The following CAMK2D variants were observed in gnomAD, a reference collection of about 807,000 sequenced individuals.
The protein encoded by CAMK2D is calcium/calmodulin dependent protein kinase II delta, also known as calcium/calmodulin-dependent protein kinase type II subunit delta.
In CAMK2D, 37 loss-of-function variants were observed where a neutral mutation model predicts 84.0. The ratio of observed to expected loss-of-function variants is 0.44; its 90% CI spans 0.34 to 0.58. CAMK2D has a LOEUF of 0.58. Among genes scored for constraint, CAMK2D ranks in the 20% least tolerant of loss-of-function variants. The pLI, the probability that CAMK2D is intolerant of heterozygous loss-of-function variation, is 0.02. For missense variants in CAMK2D, 448 were observed against 652.5 expected (o/e 0.69, Z 3.41); for synonymous variants, 202 against 212.5 (o/e 0.95, Z 0.43).
intron 2 of CAMK2D, among the ~76,000 whole-genome samples, chr4:113,713,517 A>AT (rs1384627918): frequency 1.3e-3 from 198 of 148,294 alleles, no homozygotes; most frequent in African/African-American, 4.7e-3. Flanking sequence ...TATATATAGT[A>AT]TAACAATATT....
chr4:113,506,665 A>G (rs2098131367), intron 13 of CAMK2D, among the ~76,000 whole-genome samples: 2 of 152,194 alleles, frequency 1.3e-5, no homozygotes, highest in South Asian at 4.1e-4. Flanking sequence ...CTGTCAAATG[A>G]ACAGGGGCAC....
chr4:113,643,316 TAG>T (rs1259325680), intron 3 of CAMK2D, among the ~76,000 whole-genome samples: 1 of 152,156 alleles, frequency 6.6e-6, no homozygotes, highest in Non-Finnish European at 1.5e-5. Flanking sequence ...AGCACTAGTG[TAG>T]AGAGTTGGGA....
chr4:113,755,019 T>C (rs2099625252), intron 2 of CAMK2D: 9 of 983,744 alleles, frequency 9.1e-6, no homozygotes, highest in Non-Finnish European at 9.7e-6. Flanking sequence ...TCCATCTACA[T>C]AGTCTCAGTT....
chr4:113,566,197 G>C (rs564432350), intron 4 of CAMK2D, among the ~76,000 whole-genome samples: 1 of 152,284 alleles, frequency 6.6e-6, no homozygotes, highest in Admixed American at 6.5e-5. Flanking sequence ...AGTAATACTG[G>C]TCCAGTTCAA....
At chr4:113,687,699 C>A (rs1561839001) in intron 2 of CAMK2D, among the ~76,000 whole-genome samples, 1 of 152,198 alleles carries the variant, frequency 6.6e-6, no homozygotes, top group Non-Finnish European at 1.5e-5. Context: ...CTTGGACACC[C>A]AACCACCAGT....
At chr4:113,595,429 A>G (rs1000137753) in intron 4 of CAMK2D, among the ~76,000 whole-genome samples, 1 of 139,510 alleles carries the variant, frequency 7.2e-6, no homozygotes, top group Non-Finnish European at 1.6e-5. Context: ...AATTTATTCA[A>G]TTATGTATGC....
chr4:113,551,531 G>A (rs2098629334), intron 5 of CAMK2D, among the ~76,000 whole-genome samples: 1 of 152,144 alleles, frequency 6.6e-6, no homozygotes, highest in South Asian at 2.1e-4. Flanking sequence ...CTGTGATGAT[G>A]AAAATGTTCT....
chr4:113,525,835 T>C (rs1044558521), intron 8 of CAMK2D, among the ~76,000 whole-genome samples: 3 of 152,180 alleles, frequency 2.0e-5, no homozygotes, highest in Non-Finnish European at 4.4e-5. Context: ...GTGTCTACTC[T>C]TGAAAATAAG....
At chr4:113,538,251 T>G (rs186806031) in intron 6 of CAMK2D, among the ~76,000 whole-genome samples, 3 of 152,320 alleles carry the variant, frequency 2.0e-5, no homozygotes, top group African/African-American at 2.4e-5. Flanking sequence ...AGTCTTGGAA[T>G]AAGGCTGTGT....
chr4:113,703,460 G>C (rs556141835), intron 2 of CAMK2D, among the ~76,000 whole-genome samples: 154 of 152,214 alleles, frequency 1.0e-3, no homozygotes, highest in African/African-American at 3.7e-3. Context: ...CGAGTAGATG[G>C]GATCACACGC....
At chr4:113,572,838 T>C (rs967516650) in intron 4 of CAMK2D, among the ~76,000 whole-genome samples, 1 of 152,146 alleles carries the variant, frequency 6.6e-6, no homozygotes, top group Non-Finnish European at 1.5e-5. Context: ...GTGGTACATA[T>C]ACACCACGAA....
At chr4:113,522,578 C>T (rs2098375519) in intron 8 of CAMK2D, among the ~76,000 whole-genome samples, 1 of 152,142 alleles carries the variant, frequency 6.6e-6, no homozygotes, top group South Asian at 2.1e-4. Flanking sequence ...GGCAAACTGA[C>T]AGGCCTTTTG....
chr4:113,675,232 T>C (rs1286540760), intron 2 of CAMK2D, among the ~76,000 whole-genome samples: 1 of 152,048 alleles, frequency 6.6e-6, no homozygotes, highest in Non-Finnish European at 1.5e-5. Context: ...CTTAAAGAAA[T>C]AAATATGATA....
intron 2 of CAMK2D, among the ~76,000 whole-genome samples, chr4:113,733,610 A>G (rs2099574166): frequency 6.6e-6 from 1 of 152,216 alleles, no homozygotes; most frequent in Non-Finnish European, 1.5e-5. Context: ...TCAGAAATTA[A>G]TTTGCCTTTC....
At chr4:113,460,055 C>A in intron 18 of CAMK2D, 92 bp downstream of exon 18, 1 of 762,980 alleles carries the variant, frequency 1.3e-6, no homozygotes, top group Non-Finnish European at 2.4e-6. Context: ...GGTAAAAACT[C>A]TCATTGTAGA....
intron 3 of CAMK2D, among the ~76,000 whole-genome samples, chr4:113,623,271 G>T (rs937933620): frequency 2.6e-5 from 4 of 151,872 alleles, no homozygotes; most frequent in African/African-American, 9.7e-5. Flanking sequence ...TCTCTCATTA[G>T]TAAAGTATTC....
chr4:113,469,069 A>G (rs565975963), intron 16 of CAMK2D, among the ~76,000 whole-genome samples: 25 of 152,206 alleles, frequency 1.6e-4, no homozygotes, highest in South Asian at 4.1e-4. Flanking sequence ...AATTGGGAAC[A>G]TTTTCCCTTT....
chr4:113,755,165 C>T (rs75676335), intron 2 of CAMK2D: 10,547 of 281,326 alleles, frequency 0.037, 151 homozygotes, highest in Middle Eastern at 0.054. Flanking sequence ...AAAAAGGTTA[C>T]TTAGGGATAC....
intron 6 of CAMK2D, among the ~76,000 whole-genome samples, chr4:113,539,675 C>T (rs2098517122): frequency 6.6e-6 from 1 of 152,138 alleles, no homozygotes; most frequent in African/African-American, 2.4e-5. Flanking sequence ...AATAGTAAAT[C>T]CATCTGGACC....
Sources: gnomAD v4.1 joint callset for allele counts (sites outside exome capture counted in the v4.1 genomes callset) on GRCh38, gnomAD v4.1.1 for gene constraint, MANE v1.5 for transcripts, NCBI Gene and HGNC (gene_info 2026-07-23, HGNC 2026-07-21) for gene names.